LSAMP: variants seen among roughly 807,000 people sequenced by gnomAD.
LSAMP encodes limbic system-associated membrane protein.
A neutral mutation model predicts 38.6 loss-of-function variants in LSAMP; 7 were observed. That is an observed-to-expected ratio of 0.18 (90% CI 0.10 to 0.34). The LOEUF (loss-of-function observed/expected upper bound fraction) is 0.34, where lower values mean the gene tolerates loss of function less well. LSAMP is among the 10% of genes least tolerant of loss of function. LSAMP has a pLI of 1.00. For synonymous variants in LSAMP, 154 were observed against 166.8 expected (o/e 0.92, Z 0.59); for missense variants, 313 against 420.0 (o/e 0.75, Z 2.23).
At chr3:116,414,852 T>A (rs2049028455) in intron 1 of LSAMP, among the ~76,000 whole-genome samples, 1 of 152,074 alleles carries the variant, frequency 6.6e-6, no homozygotes, top group South Asian at 2.1e-4. Flanking sequence ...ACCCTCTGCT[T>A]TGTATTGACC....
intron 3 of LSAMP, among the ~76,000 whole-genome samples, chr3:115,927,403 T>C (rs1937516105): frequency 6.6e-6 from 1 of 152,164 alleles, no homozygotes; most frequent in African/African-American, 2.4e-5. Context: ...TGTGAGAGCA[T>C]TTGTAATCTG....
chr3:116,125,351 C>T (rs1383582307), intron 1 of LSAMP, among the ~76,000 whole-genome samples: 3 of 151,212 alleles, frequency 2.0e-5, no homozygotes, highest in African/African-American at 7.3e-5. Flanking sequence ...TATTATTATT[C>T]ATAGCAGTTC....
intron 3 of LSAMP, among the ~76,000 whole-genome samples, chr3:115,937,650 G>A (rs199841793): frequency 9.7e-4 from 141 of 145,750 alleles, no homozygotes; most frequent in Non-Finnish European, 8.9e-4. Context: ...AATAAGAAAA[G>A]AAAAAAAAAA....
intron 1 of LSAMP, among the ~76,000 whole-genome samples, chr3:116,413,540 T>C (rs80165598): frequency 0.07 from 10,653 of 151,918 alleles, 689 homozygotes; most frequent in East Asian, 0.38. Flanking sequence ...AATTTGACTG[T>C]TCATAGCCTA....
intron 4 of LSAMP, among the ~76,000 whole-genome samples, chr3:115,844,213 T>C (rs1436352313): frequency 6.6e-6 from 1 of 152,240 alleles, no homozygotes; most frequent in African/African-American, 2.4e-5. Context: ...GGCATAATTA[T>C]GATCCAAGTG....
At chr3:116,358,420 G>C (rs1482515946) in intron 1 of LSAMP, among the ~76,000 whole-genome samples, 1 of 152,080 alleles carries the variant, frequency 6.6e-6, no homozygotes, top group Non-Finnish European at 1.5e-5. Flanking sequence ...TAGTCTAGAT[G>C]CCTTGGGAAC....
intron 6 of LSAMP, chr3:115,814,089 A>C (rs900188024): frequency 2.0e-5 from 3 of 152,214 alleles, no homozygotes; most frequent in African/African-American, 7.2e-5. Flanking sequence ...TCTGGTAAAC[A>C]TTCAGTAAAT....
intron 1 of LSAMP, among the ~76,000 whole-genome samples, chr3:116,202,440 C>T (rs2046000283): frequency 6.6e-6 from 1 of 151,086 alleles, no homozygotes; most frequent in South Asian, 2.1e-4. Context: ...AGCCCACACC[C>T]TTTGTTTCCT....
intron 1 of LSAMP, among the ~76,000 whole-genome samples, chr3:116,114,151 C>T (rs935061077): frequency 6.6e-6 from 1 of 152,224 alleles, no homozygotes; most frequent in Non-Finnish European, 1.5e-5. Flanking sequence ...CCTTCCTCAT[C>T]ATTCCTATAG....
chr3:116,016,012 C>A (rs1940470826), intron 3 of LSAMP, among the ~76,000 whole-genome samples: 1 of 114,274 alleles, frequency 8.8e-6, no homozygotes, highest in African/African-American at 4.7e-5. Context: ...ACAAAGCTAA[C>A]CATTTTTTTT....
At chr3:116,254,386 T>C (rs188028835) in intron 1 of LSAMP, among the ~76,000 whole-genome samples, 3 of 151,760 alleles carry the variant, frequency 2.0e-5, no homozygotes, top group Admixed American at 2.0e-4. Context: ...GTGAAGAGAT[T>C]ATTAAAGAGA....
chr3:116,274,868 T>C (rs754321987), intron 1 of LSAMP, among the ~76,000 whole-genome samples: 16 of 151,552 alleles, frequency 1.1e-4, no homozygotes, highest in Non-Finnish European at 2.1e-4. Context: ...ATGGGCAAAA[T>C]TCATCTAGTT....
At chr3:116,209,264 ACGGTGCG>A (rs2046118961) in intron 1 of LSAMP, among the ~76,000 whole-genome samples, 1 of 152,092 alleles carries the variant, frequency 6.6e-6, no homozygotes, top group Admixed American at 6.5e-5. Flanking sequence ...TGGCTCGCGC[ACGGTGCG>A]CGCACCCACT....
chr3:116,315,718 C>T (rs2047619903), intron 1 of LSAMP, among the ~76,000 whole-genome samples: 1 of 152,184 alleles, frequency 6.6e-6, no homozygotes, highest in Non-Finnish European at 1.5e-5. Context: ...ATCTAGCTAT[C>T]TACCTATCTC....
intron 1 of LSAMP, among the ~76,000 whole-genome samples, chr3:116,352,768 C>G (rs1402452461): frequency 1.3e-5 from 2 of 151,932 alleles, no homozygotes; most frequent in Non-Finnish European, 2.9e-5. Flanking sequence ...ATATGTATTT[C>G]ACTTCAACAA....
At chr3:115,888,686 T>G (rs1214805803) in intron 3 of LSAMP, among the ~76,000 whole-genome samples, 3 of 151,972 alleles carry the variant, frequency 2.0e-5, no homozygotes, top group African/African-American at 7.2e-5. Context: ...CCCTTCTTTT[T>G]GTTGTTTTCA....
At chr3:116,234,283 T>C (rs2046438670) in intron 1 of LSAMP, among the ~76,000 whole-genome samples, 1 of 152,118 alleles carries the variant, frequency 6.6e-6, no homozygotes, top group African/African-American at 2.4e-5. Context: ...TCTTGGGATA[T>C]GAATGTTAGG....
chr3:115,894,018 T>C (rs1188183504), intron 3 of LSAMP, among the ~76,000 whole-genome samples: 1 of 152,054 alleles, frequency 6.6e-6, no homozygotes, highest in African/African-American at 2.4e-5. Flanking sequence ...TCAAACCTCC[T>C]TTTCATGTCT....
chr3:115,911,638 C>G (rs1350088355), intron 3 of LSAMP, among the ~76,000 whole-genome samples: 1 of 152,186 alleles, frequency 6.6e-6, no homozygotes, highest in African/African-American at 2.4e-5. Context: ...GCTACCGTGC[C>G]TGGCCTACGT....
Sources: gnomAD v4.1 joint callset for allele counts (sites outside exome capture counted in the v4.1 genomes callset) on GRCh38, gnomAD v4.1.1 for gene constraint, MANE v1.5 for transcripts, NCBI Gene and HGNC (gene_info 2026-07-23, HGNC 2026-07-21) for gene names.